PTAR1: variants seen among roughly 807,000 people sequenced by gnomAD.
PTAR1 encodes protein prenyltransferase alpha subunit repeat containing 1, also known as protein prenyltransferase alpha subunit repeat-containing protein 1.
Under a neutral mutation model 45.5 loss-of-function variants are expected in PTAR1, and 17 were observed. That is an observed-to-expected ratio of 0.37 (90% CI 0.26 to 0.56). PTAR1 has a LOEUF of 0.56. Ranked by LOEUF, PTAR1 falls within the 20% of genes least tolerant of loss-of-function variation. The probability of loss-of-function intolerance (pLI) is 0.77; values close to 1 mark genes in which losing one functional copy is unlikely to be tolerated. For synonymous variants in PTAR1, 169 were observed against 171.3 expected, an observed-to-expected ratio of 0.99 and a Z score of 0.11; for missense variants, 391 against 476.3, an observed-to-expected ratio of 0.82 and a Z score of 1.67.
At position 69,717,008 on chromosome 9, in the gene PTAR1, C is replaced by T. The variant is rs1483030063; in HGVS notation, c.*1334G>A. The T allele has an allele frequency of 6.6e-6, 1 of 152,172 alleles. No individual in the cohort carries two copies. Among genetic ancestry groups the T allele is most frequent in the Admixed American group, 6.5e-5 (1 of 15,270 alleles). 9.4% of individuals were successfully genotyped at this position (152,172 alleles called of 1,614,324 possible). ...GGCAAATATAAGAAAGCAGACATTA[C>T]ATGGCCCATTCCCCACCCTCATCCC... On this transcript the variant is annotated 3_prime_UTR_variant, in exon 8 of 8. Coordinates refer to ENST00000340434, the MANE Select transcript of PTAR1 (RefSeq NM_001099666.2).
chr9:69,755,893 G>A (rs538230161), intron 1 of PTAR1, among the ~76,000 whole-genome samples: 130 of 152,162 alleles, frequency 8.5e-4, no homozygotes, highest in African/African-American at 3.0e-3. Flanking sequence ...TGCCATGCAC[G>A]GTTAGGTTTT....
rs546402793 is a variant in PTAR1, at chr9:69,714,956, G to A, written c.*3386C>T. On this transcript the variant is annotated 3_prime_UTR_variant, in exon 8 of 8. Coordinates refer to ENST00000340434, the MANE Select transcript of PTAR1 (RefSeq NM_001099666.2). ...AAAAAGGAGAAGCATAAAATGATAT[G>A]TGCACAGGTACAGATCAGTAAGTCA... 6.8e-4 allele frequency: 104 copies of A among 152,036 alleles called. No individual in the cohort carries two copies. The highest frequency in any genetic ancestry group is 2.4e-3 in the African/African-American group (98 of 41,390). The allele number at this position is 152,036 out of a possible 1,614,324, so 9.4% of individuals were successfully genotyped here. A position where few individuals can be genotyped will look rare whatever the true frequency, so the allele number is the denominator to read the frequency against.
chr9:69,755,811 A>C (rs1428885933), intron 1 of PTAR1, among the ~76,000 whole-genome samples: 2 of 152,184 alleles, frequency 1.3e-5, no homozygotes, highest in Non-Finnish European at 2.9e-5. Context: ...TTATCAACTT[A>C]TGTTTCACTG....
At chr9:69,732,433 AT>A in intron 4 of PTAR1, 81 bp from the exon 5 acceptor site, 1 of 1,009,330 alleles carries the variant, frequency 9.9e-7, no homozygotes. Flanking sequence ...ATTGTTCCTA[AT>A]TTAATTTCCA....
intron 3 of PTAR1, among the ~76,000 whole-genome samples, chr9:69,735,701 G>A (rs566250091): frequency 5.3e-5 from 8 of 151,968 alleles, no homozygotes; most frequent in African/African-American, 1.9e-4. Flanking sequence ...CAGATCATTT[G>A]TTATTATTTA....
intron 5 of PTAR1, among the ~76,000 whole-genome samples, chr9:69,727,790 C>T (rs1385898208): frequency 6.6e-6 from 1 of 150,754 alleles, no homozygotes; most frequent in Non-Finnish European, 1.5e-5. Context: ...TTTTTCCCAA[C>T]AATTCCTCAG....
rs1824590234 is a variant in PTAR1 at position 69,713,140 on chromosome 9, T to C, written c.*5202A>G. ...TCATCCAGAAAGCACAAATTATATA[T>C]AGCTAATATTCTTGGAAGCACAAGG... On this transcript the variant is annotated 3_prime_UTR_variant, in exon 8 of 8. Transcript: ENST00000340434. 1 of 152,100 alleles carries C rather than the reference T, an allele frequency of 6.6e-6. No homozygotes were observed. Among genetic ancestry groups the C allele is most frequent in the Admixed American group, 6.6e-5 (1 of 15,252 alleles). The allele number at this position is 152,100 out of a possible 1,614,324, so 9.4% of individuals were successfully genotyped here.
At position 69,713,419 on chromosome 9, in the gene PTAR1, T is replaced by C. The variant is rs1260474424; in HGVS notation, c.*4923A>G. ...TGGAATCTTTAGCTATATATTTCTA[T>C]GAAATTATATTTGCTATCTTGAAAT... is the stretch of plus-strand genomic sequence containing the variant. On this transcript the variant is annotated 3_prime_UTR_variant, in exon 8 of 8. Transcript: ENST00000340434. 3 of 152,304 alleles carry C rather than the reference T, an allele frequency of 2.0e-5. No individual in the cohort carries two copies. Among genetic ancestry groups the C allele is most frequent in the African/African-American group, 7.2e-5 (3 of 41,586 alleles). The allele number at this position is 152,304 out of a possible 1,614,324, so 9.4% of individuals were successfully genotyped here.
intron 3 of PTAR1, among the ~76,000 whole-genome samples, chr9:69,735,844 T>G (rs1367063684): frequency 6.6e-6 from 1 of 151,676 alleles, no homozygotes; most frequent in Admixed American, 6.6e-5. Flanking sequence ...CACAATACAT[T>G]TTCTTTCCAA....
In PTAR1 at chr9:69,732,121, A is replaced by G. The variant is rs1318668746; in HGVS notation, c.642+18T>C. 2.5e-6 allele frequency: 4 copies of G among 1,579,112 alleles called. No individual in the cohort carries two copies. Among genetic ancestry groups the G allele is most frequent in the Non-Finnish European group, 1.7e-6 (2 of 1,150,306 alleles). On this transcript the variant is annotated intron_variant, in intron 5 of 7. Coordinates refer to ENST00000340434, the MANE Select transcript of PTAR1 (RefSeq NM_001099666.2). ...AGGGCAGACAGGCAGTCTGCCCAGG[A>G]GACAGTAATATTCCTACCTTGACAT...
intron 1 of PTAR1, among the ~76,000 whole-genome samples, chr9:69,755,523 C>A (rs1256671503): frequency 6.6e-6 from 1 of 152,156 alleles, no homozygotes; most frequent in Non-Finnish European, 1.5e-5. Context: ...GGATGGTACC[C>A]AAATACTCAA....
In PTAR1 at chr9:69,710,499, CAT is replaced by C. The variant is rs1226786781; in HGVS notation, c.*7841_*7842del. 6.6e-6 allele frequency: 1 copy of C among 152,074 alleles called. No homozygotes were observed. The highest frequency in any genetic ancestry group is 1.5e-5 in the Non-Finnish European group (1 of 67,992). 9.4% of individuals were successfully genotyped at this position (152,074 alleles called of 1,614,324 possible). A position where few individuals can be genotyped will look rare whatever the true frequency, so the allele number is the denominator to read the frequency against. ...TTACATTAGCCTTAGAATTTAGCATCATACTTTTAAGCACTCTGGGGTACTAA... is the reference window on the plus strand; with the variant it reads ...TTACATTAGCCTTAGAATTTAGCATCACTTTTAAGCACTCTGGGGTACTAA... On this transcript the variant is annotated 3_prime_UTR_variant, in exon 8 of 8. Coordinates refer to ENST00000340434, the MANE Select transcript of PTAR1 (RefSeq NM_001099666.2).
rs758426304 is a variant in PTAR1, at chr9:69,750,828, T to C, written c.209A>G (p.Asn70Ser). ...TCTTGTTCTGTACAAAAGGAGCTTG[T>C]TGTGGACATATGGTAAAAGGAACTT... ...CVKFLLPYVH[N>S]KLLLYRTRKQ... Residue 70 changes from asparagine to serine, a missense_variant, in exon 2 of 8, where the codon AAC (asparagine) becomes AGC (serine). Asn to Ser is a conservative substitution (Grantham distance 46). Around this residue, in one of 5 missense-constraint regions of PTAR1, gnomAD observed 152 missense variants for 160.0 expected, o/e 0.95. Coordinates refer to ENST00000340434, the MANE Select transcript of PTAR1 (RefSeq NM_001099666.2). 2 of 1,611,664 alleles carry C rather than the reference T, an allele frequency of 1.2e-6. No individual in the cohort carries two copies. Among genetic ancestry groups the C allele is most frequent in the Admixed American group, 1.7e-5 (1 of 59,692 alleles).
chr9:69,758,753 T>TCAAA (rs1416024513), intron 1 of PTAR1: 2 of 350,328 alleles, frequency 5.7e-6, no homozygotes, highest in Non-Finnish European at 1.2e-5. Flanking sequence ...GCAACTTTTT[T>TCAAA]AGGCAGAAAA....
At position 69,710,901 on chromosome 9, in the gene PTAR1, T is replaced by A. The variant is rs1026930350; in HGVS notation, c.*7441A>T. ...ATATTGACGGCAGCTTACTTATATC[T>A]TCAAGCAATGTAAAATTAACAGGCA... On this transcript the variant is annotated 3_prime_UTR_variant, in exon 8 of 8. Transcript: ENST00000340434. 2 of 152,270 alleles carry A rather than the reference T, an allele frequency of 1.3e-5. No individual in the cohort carries two copies. Among genetic ancestry groups the A allele is most frequent in the Admixed American group, 1.3e-4 (2 of 15,286 alleles). 9.4% of individuals were successfully genotyped at this position (152,270 alleles called of 1,614,324 possible).
intron 3 of PTAR1, among the ~76,000 whole-genome samples, chr9:69,737,509 T>C (rs1010921090): frequency 6.6e-6 from 1 of 152,232 alleles, no homozygotes; most frequent in Non-Finnish European, 1.5e-5. Context: ...TATACTATGA[T>C]GGGCTCTGGA....
chr9:69,718,983 G>A (rs1018447052), intron 6 of PTAR1, among the ~76,000 whole-genome samples: 5 of 152,102 alleles, frequency 3.3e-5, no homozygotes, highest in South Asian at 2.1e-4. Context: ...TATGGTAACC[G>A]TAATATAAAA....
intron 5 of PTAR1, 62 bp downstream of exon 5, chr9:69,732,077 C>T: frequency 8.4e-7 from 1 of 1,190,140 alleles, no homozygotes; most frequent in Non-Finnish European, 1.2e-6. Context: ...TGAGAATGAA[C>T]TACTACCAGA....
intron 4 of PTAR1, among the ~76,000 whole-genome samples, chr9:69,733,187 A>T (rs1049606361): frequency 6.6e-6 from 1 of 152,168 alleles, no homozygotes; most frequent in Non-Finnish European, 1.5e-5. Context: ...ATGCATATTT[A>T]ACAGTTCCTT....
Sources: gnomAD v4.1 joint callset for allele counts (sites outside exome capture counted in the v4.1 genomes callset) on GRCh38, gnomAD v4.1.1 for gene constraint, gnomAD v4.1.1 regional missense constraint, MANE v1.5 for transcripts, NCBI Gene and HGNC (gene_info 2026-07-23, HGNC 2026-07-21) for gene names.